The following KCNMB2 variants were observed in gnomAD, a reference collection of about 807,000 sequenced individuals.
KCNMB2 encodes the protein potassium calcium-activated channel subfamily M regulatory beta subunit 2.
Under a neutral mutation model 24.5 loss-of-function variants are expected in KCNMB2, and 9 were observed. That is an observed-to-expected ratio of 0.37 (90% CI 0.22 to 0.64). KCNMB2 has a LOEUF of 0.64. Ranked by LOEUF, KCNMB2 falls within the 30% of genes least tolerant of loss-of-function variation. The pLI, the probability that KCNMB2 is intolerant of heterozygous loss-of-function variation, is 0.63. For missense variants in KCNMB2, 226 were observed against 284.3 expected, an observed-to-expected ratio of 0.79 and a Z score of 1.47; for synonymous variants, 109 against 104.4, an observed-to-expected ratio of 1.04 and a Z score of -0.27.
intron 1 of KCNMB2, among the ~76,000 whole-genome samples, chr3:178,595,701 G>A (rs1346733070): frequency 6.6e-6 from 1 of 152,012 alleles, no homozygotes; most frequent in African/African-American, 2.4e-5. Flanking sequence ...GTTTCCTGAG[G>A]CCTCCCCAGC....
intron 1 of KCNMB2, among the ~76,000 whole-genome samples, chr3:178,781,191 T>C (rs1712816908): frequency 6.7e-6 from 1 of 148,794 alleles, no homozygotes; most frequent in South Asian, 2.1e-4. Context: ...CTAGAAAATT[T>C]AAAATTATAT....
intron 1 of KCNMB2, among the ~76,000 whole-genome samples, chr3:178,792,340 C>T (rs1713355124): frequency 6.6e-6 from 1 of 152,014 alleles, no homozygotes; most frequent in Non-Finnish European, 1.5e-5. Flanking sequence ...AAGTTGTTGT[C>T]AGCTTAAAAT....
intron 1 of KCNMB2, among the ~76,000 whole-genome samples, chr3:178,655,097 T>G (rs1347165756): frequency 1.5e-3 from 54 of 35,408 alleles, no homozygotes; most frequent in African/African-American, 0.011. Flanking sequence ...TAGCTCTCCC[T>G]CTCTCTCTCT....
intron 1 of KCNMB2, among the ~76,000 whole-genome samples, chr3:178,734,242 T>G (rs1446582620): frequency 6.6e-6 from 1 of 152,228 alleles, no homozygotes; most frequent in Non-Finnish European, 1.5e-5. Flanking sequence ...ATTTTGTGCA[T>G]GAAACAAAGC....
At position 178,760,188 on chromosome 3, in the gene KCNMB2, CTA is replaced by C. The variant is rs1232446653; in HGVS notation, c.-67-47139_-67-47138del. Among the ~76,000 whole-genome samples, 23 of 13,278 alleles carry C rather than the reference CTA, an allele frequency of 1.7e-3. 1 individual carries two copies. Among genetic ancestry groups the C allele is most frequent in the East Asian group, 2.5e-3 (2 of 798 alleles). The allele number at this position is 13,278 out of a possible 152,430, so 8.7% of individuals were successfully genotyped here. ...TATATATATATCCAAGAGGATATAT[CTA>C]TATATATATATATATCCAAGAGGAT... On this transcript the variant is annotated intron_variant, in intron 1 of 4. Coordinates refer to ENST00000452583, the MANE Select transcript of KCNMB2 (RefSeq NM_181361.3).
chr3:178,621,728 CAAAATAA>C (rs368217987), intron 1 of KCNMB2, among the ~76,000 whole-genome samples: 2,747 of 151,854 alleles, frequency 0.018, 77 homozygotes, highest in African/African-American at 0.063. Flanking sequence ...TCCTTTTATC[CAAAATAA>C]AAAATAAAAA....
At chr3:178,652,851 C>T (rs150111227) in intron 1 of KCNMB2, among the ~76,000 whole-genome samples, 3 of 151,922 alleles carry the variant, frequency 2.0e-5, no homozygotes, top group African/African-American at 2.4e-5. Context: ...TTAATAGTGA[C>T]GAGGTTTCAC....
chr3:178,759,238 GAT>G lies in KCNMB2; in HGVS notation c.-67-48094_-67-48093del, dbSNP rs200411902. Among the ~76,000 whole-genome samples, 5 of 108,784 alleles carry G rather than the reference GAT, an allele frequency of 4.6e-5. No homozygotes were observed. The Admixed American group carries it at 4.8e-4, about 10-fold the overall frequency. The allele number at this position is 108,784 out of a possible 152,430, so 71.4% of individuals were successfully genotyped here. A position where few individuals can be genotyped will look rare whatever the true frequency, so the allele number is the denominator to read the frequency against. On this transcript the variant is annotated intron_variant, in intron 1 of 4. Coordinates refer to ENST00000452583, the MANE Select transcript of KCNMB2 (RefSeq NM_181361.3). ...ATATATCTATCTCCAAGAGGAGATAGATATATATATATCTCTCCAAGAAGAGA... is the reference window on the plus strand; with the variant it reads ...ATATATCTATCTCCAAGAGGAGATAGATATATATATCTCTCCAAGAAGAGA...
At chr3:178,691,773 AG>A (rs1464197483) in intron 1 of KCNMB2, among the ~76,000 whole-genome samples, 1 of 152,154 alleles carries the variant, frequency 6.6e-6, no homozygotes, top group Non-Finnish European at 1.5e-5. Context: ...GGATATACCT[AG>A]TAATTGTTGG....
chr3:178,806,025 A>G (rs1713954240), intron 1 of KCNMB2, among the ~76,000 whole-genome samples: 1 of 152,162 alleles, frequency 6.6e-6, no homozygotes, highest in Non-Finnish European at 1.5e-5. Flanking sequence ...ACTACTGGGG[A>G]AGCTGAGGAG....
chr3:178,834,676 T>C (rs1715160987), intron 4 of KCNMB2, among the ~76,000 whole-genome samples: 1 of 152,118 alleles, frequency 6.6e-6, no homozygotes, highest in African/African-American at 2.4e-5. Context: ...AGGAGGGGAA[T>C]ATGCCCTGAA....
At chr3:178,745,434 G>A (rs1426100314) in intron 1 of KCNMB2, among the ~76,000 whole-genome samples, 1 of 151,994 alleles carries the variant, frequency 6.6e-6, no homozygotes, top group Admixed American at 6.6e-5. Context: ...CCTCCCACTC[G>A]GTCCCTCCCA....
chr3:178,671,144 G>A (rs1024066160), intron 1 of KCNMB2, among the ~76,000 whole-genome samples: 3 of 147,482 alleles, frequency 2.0e-5, no homozygotes, highest in Non-Finnish European at 4.5e-5. Context: ...AGGCCTCAAG[G>A]AAATAGAGAA....
chr3:178,589,426 A>C (rs1577032017), intron 1 of KCNMB2, among the ~76,000 whole-genome samples: 2 of 151,810 alleles, frequency 1.3e-5, no homozygotes, highest in East Asian at 3.9e-4. Flanking sequence ...AGGGACTCAC[A>C]CCATGGTTTT....
chr3:178,731,331 G>C (rs950836812), intron 1 of KCNMB2, among the ~76,000 whole-genome samples: 1 of 152,184 alleles, frequency 6.6e-6, no homozygotes, highest in East Asian at 1.9e-4. Flanking sequence ...AAATGATAGA[G>C]TGTCACCATT....
At chr3:178,593,170 G>C (rs1023884332) in intron 1 of KCNMB2, among the ~76,000 whole-genome samples, 4 of 151,914 alleles carry the variant, frequency 2.6e-5, no homozygotes, top group African/African-American at 9.7e-5. Flanking sequence ...GGTACTTTTA[G>C]AGCTATTATC....
At chr3:178,727,950 G>A (rs535441550) in intron 1 of KCNMB2, among the ~76,000 whole-genome samples, 9 of 152,228 alleles carry the variant, frequency 5.9e-5, no homozygotes, top group African/African-American at 7.2e-5. Flanking sequence ...CTAACAATAC[G>A]TGCATAGCAC....
intron 1 of KCNMB2, among the ~76,000 whole-genome samples, chr3:178,556,298 G>A (rs1716122056): frequency 6.6e-6 from 1 of 152,188 alleles, no homozygotes; most frequent in Admixed American, 6.5e-5. Context: ...TTAAACTTAA[G>A]CAATCATTTT....
chr3:178,698,293 A>G (rs1721953924), intron 1 of KCNMB2, among the ~76,000 whole-genome samples: 1 of 152,024 alleles, frequency 6.6e-6, no homozygotes, highest in Non-Finnish European at 1.5e-5. Context: ...ATAATCCCAT[A>G]TTTTTTGGAG....
Sources: allele counts gnomAD v4.1 joint callset (sites outside exome capture counted in the v4.1 genomes callset), GRCh38; gene constraint gnomAD v4.1.1; transcripts MANE v1.5; gene names NCBI Gene and HGNC (gene_info 2026-07-23, HGNC 2026-07-21).